The following TSC2 variants were observed in gnomAD, a reference collection of about 807,000 sequenced individuals.
TSC2 encodes the protein tuberin.
Under a neutral mutation model 202.2 loss-of-function variants are expected in TSC2, and 29 were observed. That is an observed-to-expected ratio of 0.14 (90% CI 0.11 to 0.20). The LOEUF (loss-of-function observed/expected upper bound fraction) is 0.20. Ranked by LOEUF, TSC2 falls within the 10% of genes least tolerant of loss-of-function variation. TSC2 has a pLI of 1.00. For missense variants in TSC2, 2,429 were observed against 2,420.0 expected (o/e 1.00, Z -0.08); for synonymous variants, 1,349 against 1,044.0 (o/e 1.29, Z -5.63).
chr16:2,077,521 A>G, intron 25 of TSC2, 77 bp from the exon 26 acceptor site: 3 of 1,601,258 alleles, frequency 1.9e-6, no homozygotes, highest in Middle Eastern at 2.0e-4. Context: ...TTTCCTCCTC[A>G]CCCCTCCACT....
chr16:2,083,339 G>A (rs1040722471), intron 32 of TSC2: 3 of 462,386 alleles, frequency 6.5e-6, no homozygotes, highest in Admixed American at 2.6e-5. Flanking sequence ...CCTCGGTTAC[G>A]AGGGCTGGTT....
At chr16:2,073,461 C>T (rs114614177) in intron 21 of TSC2, among the ~76,000 whole-genome samples, 3,427 of 152,346 alleles carry the variant, frequency 0.022, 127 homozygotes, top group African/African-American at 0.072. Context: ...CCCTCCGGGA[C>T]GAGGAGCTGG....
At position 2,084,468 on chromosome 16, in the gene TSC2, G is replaced by T. The variant is rs1001211672; in HGVS notation, c.4246G>T (p.Ala1416Ser). ...GGGCCGGCTGAGCCCTGAGGTTAAG[G>T]CCCGGTCACAGTCAGGGACCCTGGA... ...DVGRLSPEVKARSQSGTLDGE... is the reference protein window; with the variant it reads ...DVGRLSPEVKSRSQSGTLDGE... The change falls in exon 34 of 42, where the codon GCC (alanine) becomes TCC (serine). Residue 1416 changes from alanine to serine, a missense_variant. Transcript: ENST00000219476. 3 of 1,609,292 alleles carry T rather than the reference G, an allele frequency of 1.9e-6. No individual in the cohort carries two copies. Among genetic ancestry groups the T allele is most frequent in the Admixed American group, 3.4e-5 (2 of 59,642 alleles).
At chr16:2,050,108 A>C (rs1045278924) in intron 2 of TSC2, among the ~76,000 whole-genome samples, 1 of 151,844 alleles carries the variant, frequency 6.6e-6, no homozygotes, top group African/African-American at 2.4e-5. Flanking sequence ...GACGCCCACC[A>C]CCACGCCCAG....
intron 16 of TSC2, among the ~76,000 whole-genome samples, chr16:2,069,447 G>T (rs2087885752): frequency 6.6e-6 from 1 of 151,808 alleles, no homozygotes; most frequent in Non-Finnish European, 1.5e-5. Context: ...CTCCTGAGTA[G>T]CTGGGATTTA....
At chr16:2,064,149 G>A in intron 14 of TSC2, 123 bp from the exon 15 acceptor site, 2 of 1,502,372 alleles carry the variant, frequency 1.3e-6, no homozygotes, top group East Asian at 2.3e-5. Flanking sequence ...TCTCTGCCCA[G>A]CTGTGCTGAA....
Position 2,079,777 on chromosome 16 carries a change from T to C in TSC2, c.3397+108T>C. ...AGCCCAGGGGCCGGGGTGGCTGGCTTCAGGCCCGGCCCACGTCCTGACTCT... is the reference window on the plus strand; with the variant it reads ...AGCCCAGGGGCCGGGGTGGCTGGCTCCAGGCCCGGCCCACGTCCTGACTCT... On this transcript the variant is annotated intron_variant, in intron 29 of 41. Coordinates refer to ENST00000219476, the MANE Select transcript of TSC2 (RefSeq NM_000548.5). The surrounding 1 kb of genome is among the most constrained non-coding windows in gnomAD (Gnocchi z 4.6). The C allele has an allele frequency of 8.6e-7, 1 of 1,156,726 alleles. No homozygotes were observed. Among genetic ancestry groups the C allele is most frequent in the Non-Finnish European group, 1.2e-6 (1 of 827,064 alleles). The allele number at this position is 1,156,726 out of a possible 1,614,324, so 71.7% of individuals were successfully genotyped here.
In TSC2 at chr16:2,058,796, G is replaced by T. The variant is rs2151107014; in HGVS notation, c.898G>T (p.Gly300Cys). 1 of 1,596,862 alleles carries T rather than the reference G, an allele frequency of 6.3e-7. No individual in the cohort carries two copies. ...PLLRGAVFFV[G>C]MALWGAHRLY... Reference sequence around the variant, plus strand: ...GCTGAGAGGAGCCGTGTTTTTTGTGGGCATGGCTCTCTGGGGAGCCCACCG... The same window carrying T: ...GCTGAGAGGAGCCGTGTTTTTTGTGTGCATGGCTCTCTGGGGAGCCCACCG... The change falls in exon 10 of 42, where the codon GGC becomes TGC. Residue 300 changes from glycine (G) to cysteine (C), a missense_variant. Coordinates refer to ENST00000219476, the MANE Select transcript of TSC2 (RefSeq NM_000548.5).
Position 2,055,333 on chromosome 16 carries a change from GC to G in TSC2, c.482-68del. 3.3e-6 allele frequency: 4 copies of G among 1,213,464 alleles called. No individual in the cohort carries two copies. The African/African-American group carries it at 4.5e-5, about 14-fold the overall frequency. The allele number at this position is 1,213,464 out of a possible 1,614,324, so 75.2% of individuals were successfully genotyped here. Reference sequence around the variant, plus strand: ...ACGGGTTTGGACACACTGTCCTGCGGCGGGAGGGGGAGGTGAGTGGGAGATG... The same window carrying G: ...ACGGGTTTGGACACACTGTCCTGCGGGGGAGGGGGAGGTGAGTGGGAGATG... On this transcript the variant is annotated intron_variant, in intron 5 of 41. Transcript: ENST00000219476.
intron 7 of TSC2, 29 bp from the exon 8 acceptor site, chr16:2,056,615 C>T (rs746454515): frequency 1.1e-4 from 183 of 1,605,074 alleles, no homozygotes; most frequent in Non-Finnish European, 1.1e-4. Flanking sequence ...TGGGGTAGGA[C>T]GGGCGTGAGC....
chr16:2,082,394 C>T, intron 31 of TSC2, 42 bp from the exon 32 acceptor site: 2 of 1,606,564 alleles, frequency 1.2e-6, no homozygotes, highest in South Asian at 1.1e-5. Flanking sequence ...GTGTGTAGCC[C>T]CTCCTCCTGC....
Position 2,087,857 on chromosome 16 carries a change from G to A in TSC2, c.4990-6G>A, listed in dbSNP as rs137853987. The A allele has an allele frequency of 5.6e-6, 9 of 1,612,254 alleles. No individual in the cohort carries two copies. The highest frequency in any genetic ancestry group is 7.6e-6 in the Non-Finnish European group (9 of 1,179,896). On this transcript the variant is annotated splice_polypyrimidine_tract_variant and splice_region_variant and intron_variant, in intron 38 of 41. Coordinates refer to ENST00000219476, the MANE Select transcript of TSC2 (RefSeq NM_000548.5). ...GCGGGGATGACCCTTTCTCTTGTCC[G>A]GGCAGGGCCAGTTCAACTTTGTCCA...
intron 33 of TSC2, 112 bp from the exon 34 acceptor site, chr16:2,084,116 G>C: frequency 6.5e-7 from 1 of 1,534,250 alleles, no homozygotes; most frequent in Non-Finnish European, 8.8e-7. Flanking sequence ...GCTCGGGCTG[G>C]TCTGTGGCCC....
intron 10 of TSC2, among the ~76,000 whole-genome samples, chr16:2,059,989 C>A (rs897956692): frequency 1.3e-5 from 2 of 152,190 alleles, no homozygotes; most frequent in African/African-American, 2.4e-5. Context: ...GCAAACCTTA[C>A]ATCTTGCGAG....
chr16:2,082,508 T>C lies in TSC2; in HGVS notation c.3883+4T>C, dbSNP rs2090269579. The C allele has an allele frequency of 6.2e-7, 1 of 1,611,190 alleles. No homozygotes were observed. The highest frequency in any genetic ancestry group is 1.1e-5 in the South Asian group (1 of 91,088). ...CACAGGAGCGTTTCCTGGGCAGGTATCGCCTCTCAGAGGGAAGCGGTTGGC... is the reference window on the plus strand; with the variant it reads ...CACAGGAGCGTTTCCTGGGCAGGTACCGCCTCTCAGAGGGAAGCGGTTGGC... On this transcript the variant is annotated splice_donor_region_variant and intron_variant, in intron 32 of 41. Transcript: ENST00000219476.
chr16:2,060,729 C>A lies in TSC2; in HGVS notation c.1035C>A (p.Leu345=), dbSNP rs1476429068. 3 of 1,614,014 alleles carry A rather than the reference C, an allele frequency of 1.9e-6. No individual in the cohort carries two copies. The East Asian group carries it at 6.7e-5, about 36-fold the overall frequency. ...AGATCGTCCTGTCCATCACCAGGCT[C>A]ATCAAGAAGTATAGGAAGGAGCTCC... ...SYEIVLSITR[L]IKKYRKELQV... is the part of the protein sequence containing the mutation. The change falls in exon 11 of 42, where the codon CTC becomes CTA. Residue 345 remains leucine (L), a synonymous_variant. Transcript: ENST00000219476.
intron 26 of TSC2, chr16:2,078,605 G>T: frequency 1.4e-5 from 4 of 279,238 alleles, no homozygotes; most frequent in South Asian, 1.2e-4. Context: ...TCGCCTGCCT[G>T]AGGGTGACGG....
intron 17 of TSC2, among the ~76,000 whole-genome samples, chr16:2,071,035 T>C (rs1567460071): frequency 6.6e-6 from 1 of 151,246 alleles, no homozygotes; most frequent in Non-Finnish European, 1.5e-5. Context: ...TTCGCTGAGT[T>C]TGCGCTATAG....
At position 2,086,366 on chromosome 16, in the gene TSC2, T is replaced by C. The variant is rs2151576368; in HGVS notation, c.4836T>C (p.Asp1612=). ...GCCAGTTCACCTACTGCTGGCACGATGACATCATGCAAGGTACGGCCTGGC... is the reference window on the plus strand; with the variant it reads ...GCCAGTTCACCTACTGCTGGCACGACGACATCATGCAAGGTACGGCCTGGC... ...EDGQFTYCWH[D]DIMQAVFHIA... is the part of the protein sequence containing the mutation. Residue 1612 remains aspartate, a synonymous_variant, in exon 37 of 42, where the codon GAT becomes GAC. Coordinates refer to ENST00000219476, the MANE Select transcript of TSC2 (RefSeq NM_000548.5). The C allele has an allele frequency of 6.8e-6, 11 of 1,612,740 alleles. No homozygotes were observed. Among genetic ancestry groups the C allele is most frequent in the Non-Finnish European group, 9.3e-6 (11 of 1,179,890 alleles).
Sources: gnomAD v4.1 joint callset for allele counts (sites outside exome capture counted in the v4.1 genomes callset) on GRCh38, gnomAD v4.1.1 for gene constraint, Gnocchi (gnomAD v3.1) non-coding constraint, MANE v1.5 for transcripts, NCBI Gene and HGNC (gene_info 2026-07-23, HGNC 2026-07-21) for gene names.